CACNA2D3: variants seen among roughly 807,000 people sequenced by gnomAD.
The protein encoded by CACNA2D3 is calcium voltage-gated channel auxiliary subunit alpha2delta 3, also known as voltage-dependent calcium channel subunit alpha-2/delta-3.
CACNA2D3 carries 60 observed loss-of-function variants against 160.6 expected under a neutral mutation model. The observed-to-expected ratio is 0.37, with a 90% confidence interval of 0.30 to 0.46. CACNA2D3 has a LOEUF of 0.46. CACNA2D3 is among the 20% of genes least tolerant of loss of function. The pLI, the probability that CACNA2D3 is intolerant of heterozygous loss-of-function variation, is 1.00. For missense variants in CACNA2D3, 1,205 were observed against 1,365.0 expected (o/e 0.88, Z 1.85); for synonymous variants, 558 against 492.9 (o/e 1.13, Z -1.75).
chr3:54,790,863 G>A (rs1269485785), intron 13 of CACNA2D3, among the ~76,000 whole-genome samples: 1 of 152,122 alleles, frequency 6.6e-6, no homozygotes, highest in South Asian at 2.1e-4. Context: ...ACTATTGCTA[G>A]GCAGTGTCAG....
intron 2 of CACNA2D3, among the ~76,000 whole-genome samples, chr3:54,238,633 T>C (rs978154200): frequency 2.0e-5 from 3 of 152,206 alleles, no homozygotes; most frequent in Non-Finnish European, 4.4e-5. Context: ...TAAGAAAATA[T>C]ACCCTGTTTT....
At chr3:54,385,478 C>T (rs1162182953) in intron 3 of CACNA2D3, among the ~76,000 whole-genome samples, 3 of 152,162 alleles carry the variant, frequency 2.0e-5, no homozygotes, top group African/African-American at 7.2e-5. Flanking sequence ...AAGGAAAAAA[C>T]CCTTCCTGAC....
chr3:54,598,849 A>G (rs1265852808), intron 9 of CACNA2D3, among the ~76,000 whole-genome samples: 1 of 152,148 alleles, frequency 6.6e-6, no homozygotes, highest in Non-Finnish European at 1.5e-5. Flanking sequence ...AAATGCGGTG[A>G]AATTACCCAG....
rs532819512 is a variant in CACNA2D3, at chr3:54,345,789, A to C, written c.321+25231A>C. ...GCTGTGGAAGAGTCTAAGTCTTTGC[A>C]ATCTTAGATAGGACATGATTAGTTC... On this transcript the variant is annotated intron_variant, in intron 3 of 37. Transcript: ENST00000474759. 2.6e-5 allele frequency among the ~76,000 whole-genome samples: 4 copies of C among 152,028 alleles called. No homozygotes were observed. The East Asian group carries it at 5.8e-4, about 22-fold the overall frequency.
chr3:54,248,904 G>A (rs1702131669), intron 2 of CACNA2D3, among the ~76,000 whole-genome samples: 1 of 152,322 alleles, frequency 6.6e-6, no homozygotes, highest in African/African-American at 2.4e-5. Flanking sequence ...AACTATGACC[G>A]TGTGATCAGT....
chr3:54,488,016 A>G (rs1575484421), intron 4 of CACNA2D3, among the ~76,000 whole-genome samples: 1 of 152,218 alleles, frequency 6.6e-6, no homozygotes, highest in East Asian at 1.9e-4. Flanking sequence ...CATTTGTGCT[A>G]AGACCTGAAG....
At chr3:54,410,424 T>C (rs1699647454) in intron 4 of CACNA2D3, among the ~76,000 whole-genome samples, 1 of 151,934 alleles carries the variant, frequency 6.6e-6, no homozygotes, top group Non-Finnish European at 1.5e-5. Context: ...TCGGGCTGAC[T>C]CTCTTATTAG....
intron 4 of CACNA2D3, among the ~76,000 whole-genome samples, chr3:54,454,535 T>G (rs956169413): frequency 6.6e-6 from 1 of 152,200 alleles, no homozygotes. Flanking sequence ...ATGTGCACAA[T>G]GTACAGTGAT....
At chr3:54,778,611 C>A (rs1481588449) in intron 13 of CACNA2D3, among the ~76,000 whole-genome samples, 1 of 152,176 alleles carries the variant, frequency 6.6e-6, no homozygotes, top group Non-Finnish European at 1.5e-5. Flanking sequence ...TCCAAATAAA[C>A]TTTTTGCCAC....
chr3:54,165,600 T>TTA (rs1553741735), intron 2 of CACNA2D3, among the ~76,000 whole-genome samples: 2 of 93,428 alleles, frequency 2.1e-5, no homozygotes, highest in African/African-American at 8.0e-5. Flanking sequence ...GTTCCATCTC[T>TTA]AAAAAAAAAA....
intron 13 of CACNA2D3, among the ~76,000 whole-genome samples, chr3:54,801,327 G>GT: frequency 6.6e-6 from 1 of 152,088 alleles, no homozygotes; most frequent in East Asian, 1.9e-4. Context: ...CTTGGCGGGG[G>GT]TGGTACAATG....
chr3:54,717,328 A>G (rs746194612), intron 11 of CACNA2D3, among the ~76,000 whole-genome samples: 1 of 152,198 alleles, frequency 6.6e-6, no homozygotes, highest in African/African-American at 2.4e-5. Context: ...ATACATTTCT[A>G]TTAGGGAATA....
intron 10 of CACNA2D3, among the ~76,000 whole-genome samples, chr3:54,636,410 A>G (rs989136897): frequency 1.3e-5 from 2 of 152,044 alleles, no homozygotes; most frequent in African/African-American, 4.8e-5. Context: ...TGTGGGACTT[A>G]ACAAAGAGTG....
chr3:54,192,726 A>G (rs983388151), intron 2 of CACNA2D3, among the ~76,000 whole-genome samples: 4 of 151,832 alleles, frequency 2.6e-5, no homozygotes, highest in African/African-American at 9.7e-5. Context: ...GCTGTAGATT[A>G]TTCTCTGGGG....
intron 4 of CACNA2D3, among the ~76,000 whole-genome samples, chr3:54,454,522 T>A (rs1221076167): frequency 6.6e-6 from 1 of 152,162 alleles, no homozygotes; most frequent in Non-Finnish European, 1.5e-5. Flanking sequence ...GATGTTTCAA[T>A]ACATGTGCAC....
chr3:55,019,573 A>G (rs1298381617), intron 35 of CACNA2D3, among the ~76,000 whole-genome samples: 1 of 152,186 alleles, frequency 6.6e-6, no homozygotes, highest in Non-Finnish European at 1.5e-5. Context: ...TGAAATAACT[A>G]GTATATGAAC....
chr3:54,679,280 C>A (rs1056705358), intron 11 of CACNA2D3, among the ~76,000 whole-genome samples: 1 of 152,190 alleles, frequency 6.6e-6, no homozygotes, highest in South Asian at 2.1e-4. Flanking sequence ...CAAAGACTAG[C>A]CTGCTCTAGG....
At chr3:54,647,694 A>T (rs940904796) in intron 11 of CACNA2D3, among the ~76,000 whole-genome samples, 1 of 152,244 alleles carries the variant, frequency 6.6e-6, no homozygotes, top group Non-Finnish European at 1.5e-5. Flanking sequence ...CTACCATCCA[A>T]CAGGGCCTTG....
chr3:54,622,117 C>T (rs1409954621), intron 9 of CACNA2D3, among the ~76,000 whole-genome samples: 2 of 152,158 alleles, frequency 1.3e-5, no homozygotes, highest in Non-Finnish European at 2.9e-5. Flanking sequence ...GGCACTGATG[C>T]TCTCACTACC....
Sources: allele counts gnomAD v4.1 joint callset (sites outside exome capture counted in the v4.1 genomes callset), GRCh38; gene constraint gnomAD v4.1.1; transcripts MANE v1.5; gene names NCBI Gene and HGNC (gene_info 2026-07-23, HGNC 2026-07-21).